Variants in ANKRD30A observed in about 807,000 individuals in gnomAD.
ANKRD30A encodes the protein ankyrin repeat domain 30A, also known as ankyrin repeat domain-containing protein 30A.
ANKRD30A carries 170 observed loss-of-function variants against 166.3 expected under a neutral mutation model. The ratio of observed to expected loss-of-function variants is 1.02; its 90% CI spans 0.90 to 1.16. ANKRD30A has a LOEUF of 1.16. Among genes scored for constraint, ANKRD30A ranks in the 50% most tolerant of loss-of-function variants. ANKRD30A has a pLI of 0.00. For synonymous variants in ANKRD30A, 564 were observed against 508.9 expected (o/e 1.11, Z -1.46); for missense variants, 1,630 against 1,518.0 (o/e 1.07, Z -1.23).
the ANKRD30A span, among the ~76,000 whole-genome samples, chr10:37,262,331 C>G: frequency 3.3e-5 from 5 of 152,148 alleles, no homozygotes; most frequent in Non-Finnish European, 5.9e-5. Flanking sequence ...TAAAAACAAC[C>G]CCTAGAGAGT....
At chr10:37,158,349 C>A in intron 13 of ANKRD30A, 43 bp from the exon 14 acceptor site, 1 of 1,591,238 alleles carries the variant, frequency 6.3e-7, no homozygotes. Context: ...TAGGCTTTGT[C>A]AGGCTTGCAT....
At chr10:37,248,239 G>C in the ANKRD30A span, 1 of 609,820 alleles carries the variant, frequency 1.6e-6, no homozygotes, top group East Asian at 4.1e-5. Flanking sequence ...TTCAACACAA[G>C]GGTAAATAAG....
At chr10:37,228,490 A>G (rs1843263293) in intron 34 of ANKRD30A, among the ~76,000 whole-genome samples, 1 of 152,046 alleles carries the variant, frequency 6.6e-6, no homozygotes, top group African/African-American at 2.4e-5. Flanking sequence ...AATACTCAAT[A>G]CTGCTTAGCT....
At chr10:37,218,003 T>G in intron 33 of ANKRD30A, 125 bp downstream of exon 33, 1 of 589,206 alleles carries the variant, frequency 1.7e-6, no homozygotes, top group South Asian at 4.3e-5. Context: ...GTCTTAAAAT[T>G]AACTATCACA....
At chr10:37,137,987 C>G (rs1405913091) in intron 6 of ANKRD30A, among the ~76,000 whole-genome samples, 2 of 152,172 alleles carry the variant, frequency 1.3e-5, no homozygotes, top group African/African-American at 2.4e-5. Flanking sequence ...CAAGTAGGGG[C>G]AGACTGACAC....
At chr10:37,135,416 T>G (rs1175100589) in intron 5 of ANKRD30A, 1 of 152,214 alleles carries the variant, frequency 6.6e-6, no homozygotes, top group Non-Finnish European at 1.5e-5. Context: ...GCAAAATGTG[T>G]GACACCAAGT....
intron 31 of ANKRD30A, among the ~76,000 whole-genome samples, chr10:37,205,276 A>AAT (rs1841915259): frequency 6.6e-6 from 1 of 152,176 alleles, no homozygotes; most frequent in African/African-American, 2.4e-5. Flanking sequence ...GCCATAAAAA[A>AAT]GGATGTGTTC....
the ANKRD30A span, chr10:37,248,028 G>GA: frequency 0.021 from 6,300 of 307,292 alleles, no homozygotes; most frequent in South Asian, 0.045. Context: ...AAGTAAAACT[G>GA]AAAAAAAAAA....
chr10:37,144,567 GATAA>G (rs1229468049), intron 7 of ANKRD30A, among the ~76,000 whole-genome samples: 1 of 152,150 alleles, frequency 6.6e-6, no homozygotes, highest in East Asian at 1.9e-4. Flanking sequence ...CTTATTTATT[GATAA>G]ATAATCTTTT....
intron 30 of ANKRD30A, among the ~76,000 whole-genome samples, chr10:37,200,967 C>T (rs753674902): frequency 6.6e-6 from 1 of 151,970 alleles, no homozygotes; most frequent in Non-Finnish European, 1.5e-5. Context: ...TTGAAATATG[C>T]ACGATTGAAT....
At chr10:37,198,479 G>T (rs1330774811) in intron 29 of ANKRD30A, among the ~76,000 whole-genome samples, 1 of 151,988 alleles carries the variant, frequency 6.6e-6, no homozygotes, top group Non-Finnish European at 1.5e-5. Flanking sequence ...TAAAAGGTTA[G>T]TTTTATCTGC....
rs879694686 is a variant in ANKRD30A, at chr10:37,201,139, CT to C, written c.2779-88del. On this transcript the variant is annotated intron_variant, in intron 30 of 35. Coordinates refer to ENST00000361713, the MANE Select transcript of ANKRD30A (RefSeq NM_052997.3). ...AAGTTGAATTGCTTGCAAAATAGGA[CT>C]TTTTTTTAAAAAAAGATTTTAATTA... 1.3e-4 allele frequency: 135 copies of C among 1,039,920 alleles called. 1 individual carries two copies. Among genetic ancestry groups the C allele is most frequent in the South Asian group, 8.3e-4 (52 of 63,004 alleles). 64.4% of individuals were successfully genotyped at this position (1,039,920 alleles called of 1,614,324 possible).
intron 15 of ANKRD30A, among the ~76,000 whole-genome samples, chr10:37,162,058 C>T (rs1472107379): frequency 2.0e-5 from 3 of 152,030 alleles, no homozygotes; most frequent in Non-Finnish European, 4.4e-5. Context: ...TACACATCTT[C>T]TTGCATGAGT....
Position 37,130,165 on chromosome 10 carries a change from A to G in ANKRD30A, c.337-40A>G, listed in dbSNP as rs1252498826. On this transcript the variant is annotated intron_variant, in intron 2 of 35. Coordinates refer to ENST00000361713, the MANE Select transcript of ANKRD30A (RefSeq NM_052997.3). ...TAATTTATAATAATTTATATTATAA[A>G]TTATACAGTTTACAATAATTCTTGC... is the stretch of plus-strand genomic sequence containing the variant. 2.3e-6 allele frequency: 3 copies of G among 1,332,756 alleles called. No homozygotes were observed. The African/African-American group carries it at 4.7e-5, about 21-fold the overall frequency. 82.6% of individuals were successfully genotyped at this position (1,332,756 alleles called of 1,614,324 possible). A position where few individuals can be genotyped will look rare whatever the true frequency, so the allele number is the denominator to read the frequency against.
the ANKRD30A span, among the ~76,000 whole-genome samples, chr10:37,238,942 A>C: frequency 1.3e-5 from 2 of 152,160 alleles, no homozygotes; most frequent in African/African-American, 4.8e-5. Context: ...TATGAAGTAC[A>C]GTCTCTCAAA....
chr10:37,151,876 A>C (rs1837964278), intron 11 of ANKRD30A, among the ~76,000 whole-genome samples, 184 bp from the exon 12 acceptor site: 1 of 152,154 alleles, frequency 6.6e-6, no homozygotes, highest in Non-Finnish European at 1.5e-5. Context: ...GTTAATTTTC[A>C]GACTTTTTAG....
chr10:37,162,729 T>C, intron 16 of ANKRD30A, 47 bp from the exon 17 acceptor site: 1 of 1,613,204 alleles, frequency 6.2e-7, no homozygotes, highest in Non-Finnish European at 8.5e-7. Flanking sequence ...ATGTATTTTG[T>C]GAAGTATACA....
intron 13 of ANKRD30A, among the ~76,000 whole-genome samples, chr10:37,156,078 CAA>C (rs35340454): frequency 6.0e-5 from 8 of 132,266 alleles, no homozygotes; most frequent in Non-Finnish European, 4.9e-5. Context: ...GATACGCTAT[CAA>C]AAAAAAAAAA....
intron 11 of ANKRD30A, among the ~76,000 whole-genome samples, chr10:37,150,729 A>T (rs1309136017): frequency 6.6e-6 from 1 of 152,144 alleles, no homozygotes; most frequent in Non-Finnish European, 1.5e-5. Context: ...GTATGACAGT[A>T]CCATAGTTAA....
Sources: allele counts gnomAD v4.1 joint callset (sites outside exome capture counted in the v4.1 genomes callset), GRCh38; gene constraint gnomAD v4.1.1; transcripts MANE v1.5; gene names NCBI Gene and HGNC (gene_info 2026-07-23, HGNC 2026-07-21).